The following ZBTB20 variants were observed in gnomAD, a reference collection of about 807,000 sequenced individuals.
The protein encoded by ZBTB20 is zinc finger and BTB domain-containing protein 20.
ZBTB20 carries 9 observed loss-of-function variants against 56.9 expected under a neutral mutation model. The ratio of observed to expected loss-of-function variants is 0.16; its 90% CI spans 0.10 to 0.28. ZBTB20 has a LOEUF of 0.28. ZBTB20 is among the 10% of genes least tolerant of loss of function. The pLI, the probability that ZBTB20 is intolerant of heterozygous loss-of-function variation, is 1.00. For synonymous variants in ZBTB20, 417 were observed against 420.7 expected (o/e 0.99, Z 0.11); for missense variants, 655 against 1,003.0 (o/e 0.65, Z 4.69).
At chr3:114,430,693 G>T (rs1466694160) in intron 7 of ZBTB20, among the ~76,000 whole-genome samples, 4 of 151,998 alleles carry the variant, frequency 2.6e-5, no homozygotes, top group African/African-American at 9.7e-5. Context: ...AAGTTATCAT[G>T]CAAAAATTAA....
intron 7 of ZBTB20, among the ~76,000 whole-genome samples, chr3:114,428,429 C>T (rs961406101): frequency 2.6e-5 from 4 of 152,188 alleles, no homozygotes; most frequent in African/African-American, 9.7e-5. Context: ...AGGGACAGGC[C>T]TCATTTGCAC....
chr3:115,124,559 G>T (rs1451011850), intron 1 of ZBTB20, among the ~76,000 whole-genome samples: 1 of 152,154 alleles, frequency 6.6e-6, no homozygotes, highest in African/African-American at 2.4e-5. Flanking sequence ...GAAACAAATT[G>T]TAGGATACTT....
chr3:115,057,853 C>A (rs1326652438), intron 2 of ZBTB20, among the ~76,000 whole-genome samples: 1 of 152,038 alleles, frequency 6.6e-6, no homozygotes, highest in Non-Finnish European at 1.5e-5. Context: ...CGTTCTCATG[C>A]TGCTAATAAA....
chr3:114,962,353 TA>T (rs2077486092), intron 3 of ZBTB20, among the ~76,000 whole-genome samples: 1 of 152,032 alleles, frequency 6.6e-6, no homozygotes, highest in South Asian at 2.1e-4. Flanking sequence ...AAGTAATAAG[TA>T]ACCCCACCCA....
chr3:115,034,616 A>G (rs976110310), intron 2 of ZBTB20, among the ~76,000 whole-genome samples: 1 of 151,946 alleles, frequency 6.6e-6, no homozygotes, highest in African/African-American at 2.4e-5. Context: ...TGTGTTCACG[A>G]ATTGGAAGGC....
At chr3:115,017,742 G>A (rs2080031316) in intron 2 of ZBTB20, among the ~76,000 whole-genome samples, 1 of 151,468 alleles carries the variant, frequency 6.6e-6, no homozygotes, top group Non-Finnish European at 1.5e-5. Context: ...TATGTGTTGA[G>A]TAAATGCTGT....
chr3:114,855,319 G>C (rs78069277), intron 4 of ZBTB20, among the ~76,000 whole-genome samples: 4,410 of 152,238 alleles, frequency 0.029, 148 homozygotes, highest in African/African-American at 0.074. Flanking sequence ...GGAAAACAAA[G>C]ACAGAATGAT....
intron 6 of ZBTB20, among the ~76,000 whole-genome samples, chr3:114,633,539 G>A (rs1464905507): frequency 6.6e-6 from 1 of 152,126 alleles, no homozygotes; most frequent in African/African-American, 2.4e-5. Context: ...AAAAGAAACT[G>A]TAACATACAA....
chr3:114,844,342 T>C (rs1483220731), intron 4 of ZBTB20, among the ~76,000 whole-genome samples: 1 of 12,002 alleles, frequency 8.3e-5, no homozygotes. Context: ...TATATATATA[T>C]ATATATATAT....
chr3:114,811,340 T>C (rs1175618065), intron 4 of ZBTB20, among the ~76,000 whole-genome samples: 1 of 152,194 alleles, frequency 6.6e-6, no homozygotes, highest in Non-Finnish European at 1.5e-5. Flanking sequence ...ATATAGAGAA[T>C]AATATTTACT....
chr3:114,419,252 A>G (rs1460126186), intron 7 of ZBTB20: 1 of 152,130 alleles, frequency 6.6e-6, no homozygotes, highest in African/African-American at 2.4e-5. Flanking sequence ...AGACACAGTA[A>G]CATAATTTGG....
intron 10 of ZBTB20, among the ~76,000 whole-genome samples, chr3:114,357,469 T>A (rs755663664): frequency 6.6e-6 from 1 of 152,228 alleles, no homozygotes; most frequent in Non-Finnish European, 1.5e-5. Flanking sequence ...AATACTGTAA[T>A]TGGGTATGCC....
At chr3:114,545,138 A>G (rs1304167101) in intron 6 of ZBTB20, among the ~76,000 whole-genome samples, 3 of 152,214 alleles carry the variant, frequency 2.0e-5, no homozygotes, top group African/African-American at 7.2e-5. Flanking sequence ...TTGGATATGT[A>G]TGCTTCTGGG....
chr3:114,817,224 C>CACAT (rs902707940), intron 4 of ZBTB20, among the ~76,000 whole-genome samples: 1 of 151,124 alleles, frequency 6.6e-6, no homozygotes, highest in African/African-American at 2.4e-5. Context: ...CACACACACA[C>CACAT]ACACACATAA....
At chr3:114,663,925 C>T (rs1022763664) in intron 6 of ZBTB20, among the ~76,000 whole-genome samples, 6 of 151,590 alleles carry the variant, frequency 4.0e-5, no homozygotes, top group Non-Finnish European at 7.4e-5. Flanking sequence ...CTTAGACTCC[C>T]ACACATTAAT....
chr3:114,466,445 C>T (rs940302112), intron 7 of ZBTB20, among the ~76,000 whole-genome samples: 3 of 152,160 alleles, frequency 2.0e-5, no homozygotes, highest in Non-Finnish European at 4.4e-5. Context: ...TCCATGAGAA[C>T]ATATCTGAAC....
At chr3:114,544,500 TTCTTTC>T (rs2049605695) in intron 6 of ZBTB20, among the ~76,000 whole-genome samples, 1 of 147,508 alleles carries the variant, frequency 6.8e-6, no homozygotes, top group Non-Finnish European at 1.5e-5. Flanking sequence ...TTTCTTTCTT[TTCTTTC>T]TTTCTTTTTT....
chr3:114,497,920 G>T (rs1408248461), intron 7 of ZBTB20, among the ~76,000 whole-genome samples: 1 of 152,208 alleles, frequency 6.6e-6, no homozygotes, highest in African/African-American at 2.4e-5. Context: ...GAAGGCAGAA[G>T]ATCCCAGCAG....
intron 3 of ZBTB20, among the ~76,000 whole-genome samples, chr3:114,971,278 T>C (rs570469291): frequency 3.9e-5 from 6 of 152,194 alleles, no homozygotes; most frequent in Non-Finnish European, 8.8e-5. Context: ...CTCAACTCCC[T>C]AAAACTGAAG....
Sources: allele counts gnomAD v4.1 joint callset (sites outside exome capture counted in the v4.1 genomes callset), GRCh38; gene constraint gnomAD v4.1.1; transcripts MANE v1.5; gene names NCBI Gene and HGNC (gene_info 2026-07-23, HGNC 2026-07-21).